The following LRFN2 variants were observed in gnomAD, a reference collection of about 807,000 sequenced individuals.
LRFN2 encodes leucine rich repeat and fibronectin type III domain containing 2.
Under a neutral mutation model 37.3 loss-of-function variants are expected in LRFN2, and 18 were observed. The observed-to-expected ratio is 0.48, with a 90% CI of 0.33 to 0.72. The LOEUF (loss-of-function observed/expected upper bound fraction) is 0.72. LRFN2 is among the 30% of genes least tolerant of loss of function. The pLI, the probability that LRFN2 is intolerant of heterozygous loss-of-function variation, is 0.02. For synonymous variants in LRFN2, 556 were observed against 466.6 expected (o/e 1.19, Z -2.47); for missense variants, 1,006 against 1,060.7 (o/e 0.95, Z 0.72).
intron 2 of LRFN2, among the ~76,000 whole-genome samples, chr6:40,428,804 C>T (rs1405931321): frequency 1.3e-5 from 2 of 152,226 alleles, no homozygotes; most frequent in African/African-American, 4.8e-5. Flanking sequence ...TTACCATTAT[C>T]TGGCTACAGA....
chr6:40,573,365 A>G (rs1767220181), intron 1 of LRFN2, among the ~76,000 whole-genome samples: 1 of 152,194 alleles, frequency 6.6e-6, no homozygotes, highest in Non-Finnish European at 1.5e-5. Context: ...GCCAGTCGCA[A>G]CCCGGCCACT....
chr6:40,477,511 G>A (rs528026756), intron 1 of LRFN2, among the ~76,000 whole-genome samples: 2 of 152,318 alleles, frequency 1.3e-5, no homozygotes, highest in East Asian at 3.9e-4. Flanking sequence ...TATAAATCAG[G>A]TTCTTTCAAT....
chr6:40,559,161 G>A (rs1766946141), intron 1 of LRFN2, among the ~76,000 whole-genome samples: 1 of 152,082 alleles, frequency 6.6e-6, no homozygotes. Flanking sequence ...GGGTGAGAGA[G>A]GCTACTCTGT....
chr6:40,482,384 C>A (rs1483548608), intron 1 of LRFN2, among the ~76,000 whole-genome samples: 4 of 152,048 alleles, frequency 2.6e-5, no homozygotes, highest in African/African-American at 9.7e-5. Context: ...GTTCTGGAGG[C>A]CCCTGGGGAC....
At chr6:40,473,182 G>A (rs971055265) in intron 1 of LRFN2, among the ~76,000 whole-genome samples, 5 of 152,182 alleles carry the variant, frequency 3.3e-5, no homozygotes, top group African/African-American at 9.7e-5. Flanking sequence ...ATGGCAGCCA[G>A]GAGGGGTGGT....
intron 2 of LRFN2, among the ~76,000 whole-genome samples, chr6:40,425,828 T>C (rs1303062083): frequency 6.6e-6 from 1 of 152,236 alleles, no homozygotes; most frequent in Non-Finnish European, 1.5e-5. Flanking sequence ...GCTTATTAGC[T>C]GAAAAAAGCG....
intron 1 of LRFN2, among the ~76,000 whole-genome samples, chr6:40,474,123 CA>C (rs763717677): frequency 3.3e-5 from 5 of 152,138 alleles, no homozygotes; most frequent in Admixed American, 6.5e-5. Flanking sequence ...GGCACCTTCT[CA>C]GGTAAGTCGA....
Position 40,451,466 on chromosome 6 carries a change from A to C in LRFN2, c.-18-18335T>G, listed in dbSNP as rs1764103854. Among the ~76,000 whole-genome samples, 3 of 152,194 alleles carry C rather than the reference A, an allele frequency of 2.0e-5. No individual in the cohort carries two copies. In the South Asian group the frequency reaches 6.2e-4, roughly 32 times the overall value. Reference sequence around the variant, plus strand: ...GCAGCTCAAGAGGGTGGGGCAAGAGATAAACAGGGGAAGGGACGAGACAAG... The same window carrying C: ...GCAGCTCAAGAGGGTGGGGCAAGAGCTAAACAGGGGAAGGGACGAGACAAG... On this transcript the variant is annotated intron_variant, in intron 1 of 2. Transcript: ENST00000338305.
intron 2 of LRFN2, among the ~76,000 whole-genome samples, chr6:40,428,820 C>T (rs550271635): frequency 7.9e-5 from 12 of 152,254 alleles, no homozygotes; most frequent in South Asian, 2.1e-4. Context: ...ACAGACTCAA[C>T]GCTTACTTTT....
At chr6:40,453,545 CA>C (rs1257894289) in intron 1 of LRFN2, among the ~76,000 whole-genome samples, 10 of 151,034 alleles carry the variant, frequency 6.6e-5, no homozygotes, top group African/African-American at 2.0e-4. Context: ...CACACACACA[CA>C]CACACACACC....
intron 2 of LRFN2, among the ~76,000 whole-genome samples, chr6:40,427,574 C>T (rs570658347): frequency 6.6e-6 from 1 of 152,330 alleles, no homozygotes; most frequent in Non-Finnish European, 1.5e-5. Flanking sequence ...CACAGCATCT[C>T]CTGAAGACAT....
intron 1 of LRFN2, among the ~76,000 whole-genome samples, chr6:40,516,948 G>T (rs1765896171): frequency 6.6e-6 from 1 of 152,154 alleles, no homozygotes; most frequent in Non-Finnish European, 1.5e-5. Flanking sequence ...TTTATTGTGT[G>T]TCTACTATGA....
intron 1 of LRFN2, among the ~76,000 whole-genome samples, chr6:40,469,235 A>G (rs1390187077): frequency 1.3e-5 from 2 of 152,160 alleles, no homozygotes; most frequent in East Asian, 3.9e-4. Flanking sequence ...GAGGCAAGGA[A>G]GGCTTCTCCC....
chr6:40,471,913 C>A (rs577953640), intron 1 of LRFN2, among the ~76,000 whole-genome samples: 1 of 152,308 alleles, frequency 6.6e-6, no homozygotes, highest in South Asian at 2.1e-4. Flanking sequence ...TGCCCAGAAG[C>A]AGCGAGGGCC....
intron 2 of LRFN2, among the ~76,000 whole-genome samples, chr6:40,429,378 T>C (rs1464754431): frequency 6.6e-6 from 1 of 152,240 alleles, no homozygotes; most frequent in Non-Finnish European, 1.5e-5. Context: ...TGCGTTTCCC[T>C]GTGCAAACTG....
Position 40,392,246 on chromosome 6 carries a change from C to T in LRFN2, c.2067G>A (p.Arg689=). Residue 689 remains arginine, a synonymous_variant, in exon 3 of 3, where the codon CGG becomes CGA. Coordinates refer to ENST00000338305, the MANE Select transcript of LRFN2 (RefSeq NM_020737.3). This position sits in a 1 kb window ranked among gnomAD's most constrained non-coding sequence, Gnocchi z 4.7. ...GTGGCTCTCGGTCCGAGTGGTGGCC[C>T]CGGGCCGACGTCCCAGCCCCTCTCC... ...PAGRGAGTSA[R]GHHSDREPLL... 6.3e-7 allele frequency: 1 copy of T among 1,577,532 alleles called. No individual in the cohort carries two copies. The highest frequency in any genetic ancestry group is 1.2e-5 in the South Asian group (1 of 84,148).
rs1213933469 is a variant in LRFN2, at chr6:40,539,681, C to T, written c.-19+47260G>A. 4.6e-5 allele frequency among the ~76,000 whole-genome samples: 7 copies of T among 152,178 alleles called. No homozygotes were observed. In the East Asian group the frequency reaches 9.6e-4, roughly 21 times the overall value. On this transcript the variant is annotated intron_variant, in intron 1 of 2. Coordinates refer to ENST00000338305, the MANE Select transcript of LRFN2 (RefSeq NM_020737.3). ...CATCTCATTTCATTCACACAGGATT[C>T]GCAGCCCCCATGGCACTGGGGAGCC...
chr6:40,479,868 A>G (rs1320096551), intron 1 of LRFN2, among the ~76,000 whole-genome samples: 1 of 152,216 alleles, frequency 6.6e-6, no homozygotes, highest in Non-Finnish European at 1.5e-5. Context: ...CAGCCCTAAG[A>G]ATCTGTGCTG....
rs367950252 is a variant in LRFN2, at chr6:40,484,244, G to C, written c.-18-51113C>G. Among the ~76,000 whole-genome samples the C allele has an allele frequency of 4.6e-5, 7 of 152,330 alleles. No homozygotes were observed. In the East Asian group the frequency reaches 1.4e-3, roughly 29 times the overall value. On this transcript the variant is annotated intron_variant, in intron 1 of 2. Coordinates refer to ENST00000338305, the MANE Select transcript of LRFN2 (RefSeq NM_020737.3). ...CGGGCCCTGACACGGATGGAGTGTG[G>C]TGCCGATCCAGGAGACAGGGTCAGC...
Sources: gnomAD v4.1 joint callset for allele counts (sites outside exome capture counted in the v4.1 genomes callset) on GRCh38, gnomAD v4.1.1 for gene constraint, Gnocchi (gnomAD v3.1) non-coding constraint, MANE v1.5 for transcripts, NCBI Gene and HGNC (gene_info 2026-07-23, HGNC 2026-07-21) for gene names.